GRID2: variants seen among roughly 807,000 people sequenced by gnomAD.
The protein encoded by GRID2 is glutamate ionotropic receptor delta type subunit 2.
In GRID2, 33 loss-of-function variants were observed where a neutral mutation model predicts 114.8. The ratio of observed to expected loss-of-function variants is 0.29; its 90% CI spans 0.22 to 0.38. The LOEUF is 0.38. Ranked by LOEUF, GRID2 falls within the 10% of genes least tolerant of loss-of-function variation. The probability of loss-of-function intolerance (pLI) is 1.00; values close to 1 mark genes in which losing one functional copy is unlikely to be tolerated. For missense variants in GRID2, 1,184 were observed against 1,257.7 expected (o/e 0.94, Z 0.89); for synonymous variants, 505 against 449.9 (o/e 1.12, Z -1.55).
intron 13 of GRID2, among the ~76,000 whole-genome samples, chr4:93,556,341 A>C (rs1176153938): frequency 6.6e-6 from 1 of 152,232 alleles, no homozygotes; most frequent in East Asian, 1.9e-4. Context: ...ACCCAATGCA[A>C]GGAAACTAAG....
At chr4:93,039,022 T>C (rs553783344) in intron 2 of GRID2, among the ~76,000 whole-genome samples, 1 of 152,234 alleles carries the variant, frequency 6.6e-6, no homozygotes, top group East Asian at 1.9e-4. Context: ...TGCACACATA[T>C]GTTTATTGGG....
At position 92,415,688 on chromosome 4, in the gene GRID2, A is replaced by G. The variant is rs7434530; in HGVS notation, c.88+110944A>G. Among the ~76,000 whole-genome samples the G allele has an allele frequency of 2.5e-5, 3 of 119,752 alleles. No homozygotes were observed. The Admixed American group carries it at 2.7e-4, about 11-fold the overall frequency. 78.6% of individuals were successfully genotyped at this position (119,752 alleles called of 152,430 possible). On this transcript the variant is annotated intron_variant, in intron 1 of 15. Transcript: ENST00000282020. ...CTGAGTAGTATTCCATGGCGTGTGT[A>G]TGTGTGTGTGCATGCGCATGTATGT...
intron 2 of GRID2, among the ~76,000 whole-genome samples, chr4:92,775,921 C>T (rs1455750252): frequency 6.6e-6 from 1 of 152,038 alleles, no homozygotes; most frequent in African/African-American, 2.4e-5. Flanking sequence ...ATTGCACATA[C>T]AGTTAATGCA....
Position 93,331,293 on chromosome 4 carries a change from ATTCTCTCTGCTTGGGAAATTC to A in GRID2, c.1246-64308_1246-64288del, listed in dbSNP as rs576424050. ...GTTTTATTCTCTCTGCTTGGGAGTT[ATTCTCTCTGCTTGGGAAATTC>A]TTCTCCCGTATATAGCCATGGCTCA... On this transcript the variant is annotated intron_variant, in intron 8 of 15. Coordinates refer to ENST00000282020, the MANE Select transcript of GRID2 (RefSeq NM_001510.4). Among the ~76,000 whole-genome samples the A allele has an allele frequency of 4.4e-3, 657 of 150,422 alleles. 6 individuals carry two copies. Among genetic ancestry groups the A allele is most frequent in the African/African-American group, 0.015 (622 of 41,124 alleles).
At chr4:92,726,947 C>T (rs1191997349) in intron 2 of GRID2, among the ~76,000 whole-genome samples, 1 of 151,998 alleles carries the variant, frequency 6.6e-6, no homozygotes, top group Non-Finnish European at 1.5e-5. Flanking sequence ...TGTTCTGATG[C>T]ATTGAGGGAA....
chr4:93,171,809 G>A (rs1434386331), intron 4 of GRID2, among the ~76,000 whole-genome samples: 2 of 150,222 alleles, frequency 1.3e-5, no homozygotes, highest in Non-Finnish European at 2.9e-5. Context: ...TAACTAATTA[G>A]TGTTAGAAAG....
chr4:92,474,981 A>AGGG (rs1722226100), intron 1 of GRID2, among the ~76,000 whole-genome samples: 1 of 39,676 alleles, frequency 2.5e-5, no homozygotes, highest in African/African-American at 9.8e-5. Context: ...GGGGGGGTGG[A>AGGG]GGGGGGAGGG....
intron 2 of GRID2, among the ~76,000 whole-genome samples, chr4:93,042,293 CTCTCTCTATATATA>C (rs1161807103): frequency 2.3e-5 from 2 of 86,512 alleles, no homozygotes; most frequent in African/African-American, 8.9e-5. Context: ...CTCTCTCTCT[CTCTCTCTATATATA>C]TATATATATA....
chr4:93,282,868 A>G (rs1752789722), intron 8 of GRID2, among the ~76,000 whole-genome samples: 1 of 152,042 alleles, frequency 6.6e-6, no homozygotes, highest in South Asian at 2.1e-4. Context: ...GTGAACAGGC[A>G]TGTCACAAAC....
rs72882143 is a variant in GRID2, at chr4:92,546,278, A to G, written c.89-43853A>G. On this transcript the variant is annotated intron_variant, in intron 1 of 15. Coordinates refer to ENST00000282020, the MANE Select transcript of GRID2 (RefSeq NM_001510.4). ...CACAGAGAAACCAACATGCAAAAGA[A>G]AGGAAAAATATTGTCTGCTTGTTTG... Among the ~76,000 whole-genome samples, 1,033 of 152,322 alleles carry G rather than the reference A, an allele frequency of 6.8e-3. 12 individuals are homozygous for G. Among genetic ancestry groups the G allele is most frequent in the African/African-American group, 0.024 (985 of 41,576 alleles).
At chr4:92,765,315 G>C (rs1002318758) in intron 2 of GRID2, among the ~76,000 whole-genome samples, 2 of 152,086 alleles carry the variant, frequency 1.3e-5, no homozygotes, top group Non-Finnish European at 2.9e-5. Flanking sequence ...AAACATAAAA[G>C]CAAATTACTT....
chr4:93,654,858 A>G (rs1722871421), intron 14 of GRID2, among the ~76,000 whole-genome samples: 1 of 152,152 alleles, frequency 6.6e-6, no homozygotes. Context: ...GACTCTGCTA[A>G]TGGATGCTGT....
At chr4:92,941,225 A>T (rs1479098037) in intron 2 of GRID2, among the ~76,000 whole-genome samples, 1 of 152,092 alleles carries the variant, frequency 6.6e-6, no homozygotes, top group East Asian at 1.9e-4. Flanking sequence ...GTAAGCTATT[A>T]ATTATTGCCT....
chr4:93,796,044 A>G (rs1734793826), intron 1 of GRID2, among the ~76,000 whole-genome samples: 1 of 152,080 alleles, frequency 6.6e-6, no homozygotes, highest in African/African-American at 2.4e-5. Context: ...AGAGGCCCCT[A>G]TTCTCTTACT....
At chr4:92,954,312 T>A (rs1208988044) in intron 2 of GRID2, among the ~76,000 whole-genome samples, 2 of 152,188 alleles carry the variant, frequency 1.3e-5, no homozygotes. Context: ...ATATGACATC[T>A]AATTCAACTC....
chr4:92,917,437 T>G (rs1469721037), intron 2 of GRID2, among the ~76,000 whole-genome samples: 1 of 152,210 alleles, frequency 6.6e-6, no homozygotes, highest in African/African-American at 2.4e-5. Flanking sequence ...TCCTTGCCCA[T>G]GTCTGTGTCC....
intron 14 of GRID2, among the ~76,000 whole-genome samples, chr4:93,740,542 A>G (rs1430942589): frequency 1.3e-5 from 2 of 152,242 alleles, no homozygotes; most frequent in Non-Finnish European, 2.9e-5. Context: ...GATGTTAATC[A>G]GGAAGTGCTA....
chr4:92,365,659 A>G (rs1728829015), intron 1 of GRID2, among the ~76,000 whole-genome samples: 2 of 152,240 alleles, frequency 1.3e-5, no homozygotes, highest in East Asian at 1.9e-4. Flanking sequence ...CAAACGTCTT[A>G]CCACAGAAAC....
At chr4:93,698,279 T>C (rs1473512297) in intron 14 of GRID2, among the ~76,000 whole-genome samples, 1 of 152,008 alleles carries the variant, frequency 6.6e-6, no homozygotes, top group African/African-American at 2.4e-5. Flanking sequence ...AATTAGTACA[T>C]GTAGCTAACA....
Sources: gnomAD v4.1 joint callset for allele counts (sites outside exome capture counted in the v4.1 genomes callset) on GRCh38, gnomAD v4.1.1 for gene constraint, MANE v1.5 for transcripts, NCBI Gene and HGNC (gene_info 2026-07-23, HGNC 2026-07-21) for gene names.